The following KIF27 variants were observed in gnomAD, a reference collection of about 807,000 sequenced individuals.
KIF27 encodes kinesin-like protein KIF27.
A neutral mutation model predicts 141.8 loss-of-function variants in KIF27; 84 were observed. That is an observed-to-expected ratio of 0.59 (90% CI 0.50 to 0.71). The LOEUF is 0.71. Ranked by LOEUF, KIF27 falls within the 30% of genes least tolerant of loss-of-function variation. KIF27 has a pLI of 0.00. For missense variants in KIF27, 1,306 were observed against 1,628.4 expected, an observed-to-expected ratio of 0.80 and a Z score of 3.41; for synonymous variants, 471 against 569.5, an observed-to-expected ratio of 0.83 and a Z score of 2.46.
At chr9:83,842,725 C>CA (rs957644260) in intron 16 of KIF27, among the ~76,000 whole-genome samples, 7 of 152,154 alleles carry the variant, frequency 4.6e-5, no homozygotes, top group Admixed American at 3.9e-4. Context: ...CTCGGCCTCC[C>CA]AAAGTGCTGG....
chr9:83,903,705 C>A lies in KIF27; in HGVS notation c.813G>T (p.Leu271Phe), dbSNP rs758591940. ...CGCTTATTACATTTCCTAAAGCCAGCAATCCACTATTGATTTGAATGGATT... is the reference window on the plus strand; with the variant it reads ...CGCTTATTACATTTCCTAAAGCCAGAAATCCACTATTGATTTGAATGGATT... ...FKESIQINSG[L>F]LALGNVISAL... The change falls in exon 4 of 18, where the codon TTG becomes TTT. Residue 271 changes from leucine (L) to phenylalanine (F), a missense_variant. Leu to Phe is a conservative substitution (Grantham distance 22, BLOSUM62 0). Around this residue, in one of 4 missense-constraint regions of KIF27, gnomAD observed 533 missense variants for 565.6 expected, o/e 0.94. Transcript: ENST00000297814. The A allele has an allele frequency of 6.2e-7, 1 of 1,614,152 alleles. No individual in the cohort carries two copies. Among genetic ancestry groups the A allele is most frequent in the South Asian group, 1.1e-5 (1 of 91,080 alleles).
intron 16 of KIF27, among the ~76,000 whole-genome samples, chr9:83,843,861 C>T (rs1946877549): frequency 6.6e-6 from 1 of 152,074 alleles, no homozygotes; most frequent in Admixed American, 6.6e-5. Context: ...TAGCTGGGAC[C>T]ACAGGCACAT....
chr9:83,843,922 G>A (rs542940833), intron 16 of KIF27, among the ~76,000 whole-genome samples: 23 of 152,200 alleles, frequency 1.5e-4, no homozygotes, highest in African/African-American at 5.5e-4. Context: ...ATGGTGTGAT[G>A]GTTACTACTG....
At chr9:83,883,022 G>A (rs1219429946) in intron 10 of KIF27, among the ~76,000 whole-genome samples, 7 of 151,782 alleles carry the variant, frequency 4.6e-5, no homozygotes, top group Non-Finnish European at 8.8e-5. Context: ...GCACACCAGA[G>A]GTATATTGTA....
rs563651742 is a variant in KIF27, at chr9:83,861,750, C to G, written c.2935-2379G>C. 2.0e-5 allele frequency among the ~76,000 whole-genome samples: 3 copies of G among 151,646 alleles called. No individual in the cohort carries two copies. The South Asian group carries it at 6.3e-4, about 32-fold the overall frequency. On this transcript the variant is annotated intron_variant, in intron 13 of 17. Transcript: ENST00000297814. The stretch of plus-strand genomic sequence containing the variant: ...CTAGTTGTAGATCCTTGAGGAATCA[C>G]CACACTGTCTTCCACAATGGTTGAA...
At chr9:83,868,005 A>G in intron 12 of KIF27, 145 bp from the exon 13 acceptor site, 1 of 803,770 alleles carries the variant, frequency 1.2e-6, no homozygotes, top group Non-Finnish European at 1.8e-6. Flanking sequence ...GCCGTCTGAG[A>G]TCCTAAAGAC....
intron 11 of KIF27, among the ~76,000 whole-genome samples, chr9:83,878,161 CAAAAAAAAAAAAAAA>C (rs58897060): frequency 7.8e-5 from 3 of 38,456 alleles, no homozygotes; most frequent in Admixed American, 8.9e-4. Context: ...GACTCTGTCT[CAAAAAAAAAAAAAAA>C]AAAAAAAAAA....
At position 83,834,314 on chromosome 9, in the gene KIF27, G is replaced by T. The variant is rs1057169793; in HGVS notation, c.*2687C>A. Among the ~76,000 whole-genome samples, 25 of 151,998 alleles carry T rather than the reference G, an allele frequency of 1.6e-4. 1 individual carries two copies. In the South Asian group the frequency reaches 1.9e-3, roughly 11 times the overall value. On this transcript the variant is annotated 3_prime_UTR_variant, in exon 18 of 18. Transcript: ENST00000297814. ...TGTCTAATTTTTTTCTTTCCTTTGT[G>T]AGAACACCGACTAAACTAGAATGAC...
intron 13 of KIF27, among the ~76,000 whole-genome samples, chr9:83,866,925 A>C: frequency 6.6e-6 from 1 of 151,410 alleles, no homozygotes; most frequent in African/African-American, 2.4e-5. Flanking sequence ...AACCATCACC[A>C]CAATCAATTT....
intron 11 of KIF27, among the ~76,000 whole-genome samples, chr9:83,876,212 C>T (rs1457182121): frequency 6.6e-6 from 1 of 152,108 alleles, no homozygotes; most frequent in Non-Finnish European, 1.5e-5. Context: ...TTCTATACTC[C>T]ATCCCAGGTG....
intron 1 of KIF27, among the ~76,000 whole-genome samples, chr9:83,916,268 G>A (rs1439491936): frequency 4.6e-5 from 7 of 152,114 alleles, no homozygotes; most frequent in African/African-American, 1.4e-4. Flanking sequence ...CCGAACCTCA[G>A]GTGACCCGCC....
At position 83,889,182 on chromosome 9, in the gene KIF27, C is replaced by T. The variant is rs202090642; in HGVS notation, c.1881G>A (p.Leu627=). 2 of 1,613,950 alleles carry T rather than the reference C, an allele frequency of 1.2e-6. No individual in the cohort carries two copies. The highest frequency in any genetic ancestry group is 2.2e-5 in the East Asian group (1 of 44,880). The change falls in exon 7 of 18, where the codon CTG becomes CTA. Residue 627 remains leucine, a synonymous_variant. Transcript: ENST00000297814. The part of the protein sequence containing the change: ...FAGFRTRSQM[L]LGHIEEQDKV... ...TATCTTGTTCTTCTATGTGACCCAA[C>T]AGCATCTGACTTCGTGTTCGAAATC...
At chr9:83,909,008 T>C (rs1355549723) in intron 2 of KIF27, among the ~76,000 whole-genome samples, 4 of 152,310 alleles carry the variant, frequency 2.6e-5, no homozygotes, top group African/African-American at 9.6e-5. Context: ...CATGTATTCA[T>C]TGAACAAGTA....
chr9:83,913,876 G>C (rs1225422510), intron 2 of KIF27, among the ~76,000 whole-genome samples: 1 of 152,120 alleles, frequency 6.6e-6, no homozygotes, highest in Non-Finnish European at 1.5e-5. Context: ...GGTGAGAGGA[G>C]CTGTCACTTG....
intron 16 of KIF27, 122 bp from the exon 17 acceptor site, chr9:83,842,523 C>G: frequency 8.0e-7 from 1 of 1,257,642 alleles, no homozygotes; most frequent in Non-Finnish European, 1.0e-6. Flanking sequence ...AGTGCAGTGG[C>G]GTGATATGCT....
chr9:83,903,582 A>ACAT lies in KIF27; in HGVS notation c.935_936insATG (p.Thr312_Val313insCys). 6.2e-7 allele frequency: 1 copy of ACAT among 1,614,194 alleles called. No homozygotes were observed. Among genetic ancestry groups the ACAT allele is most frequent in the South Asian group, 1.1e-5 (1 of 91,086 alleles). On this transcript the variant is annotated inframe_insertion, in exon 4 of 18. Transcript: ENST00000297814. ...AGGGGCTGACACATGTGATCATGAC[A>ACAT]GTCTTAGCACTGCCTCCCAGAGAAT...
At chr9:83,858,599 A>G (rs766396048) in intron 14 of KIF27, 24 of 152,502 alleles carry the variant, frequency 1.6e-4, no homozygotes, top group African/African-American at 3.9e-4. Context: ...TTAAAAAACT[A>G]TAACTAAAAC....
intron 16 of KIF27, among the ~76,000 whole-genome samples, chr9:83,843,513 G>C (rs776016130): frequency 1.3e-5 from 2 of 152,062 alleles, no homozygotes; most frequent in East Asian, 3.8e-4. Context: ...TGGCTGTTTT[G>C]TAGAATTTTG....
intron 8 of KIF27, 137 bp downstream of exon 8, chr9:83,888,352 G>A: frequency 2.3e-6 from 1 of 430,414 alleles, no homozygotes; most frequent in Non-Finnish European, 4.2e-6. Flanking sequence ...CATAAAAGAA[G>A]TTCTACCAAC....
Sources: gnomAD v4.1 joint callset for allele counts (sites outside exome capture counted in the v4.1 genomes callset) on GRCh38, gnomAD v4.1.1 for gene constraint, gnomAD v4.1.1 regional missense constraint, MANE v1.5 for transcripts, NCBI Gene and HGNC (gene_info 2026-07-23, HGNC 2026-07-21) for gene names.